Variants in MIS18A observed in about 807,000 individuals in gnomAD.
The protein encoded by MIS18A is protein Mis18-alpha.
Under a neutral mutation model 25.0 loss-of-function variants are expected in MIS18A, and 14 were observed. The observed-to-expected ratio is 0.56, with a 90% CI of 0.37 to 0.88. MIS18A has a LOEUF of 0.88. Ranked by LOEUF, MIS18A falls within the 40% of genes least tolerant of loss-of-function variation. MIS18A has a pLI of 0.00. For missense variants in MIS18A, 292 were observed against 290.8 expected (o/e 1.00, Z -0.03); for synonymous variants, 134 against 118.6 (o/e 1.13, Z -0.84).
At chr21:32,260,875 G>A in the MIS18A span, 9 of 152,208 alleles carry the variant, frequency 5.9e-5, no homozygotes, top group Non-Finnish European at 1.3e-4. Flanking sequence ...AGCCGGGCGT[G>A]GTGGCATATG....
At chr21:32,255,382 C>T in the MIS18A span, among the ~76,000 whole-genome samples, 8 of 151,934 alleles carry the variant, frequency 5.3e-5, no homozygotes, top group Non-Finnish European at 8.8e-5. Flanking sequence ...AGGTGTGTGC[C>T]ACAATGCCCG....
chr21:32,230,999 C>T, the MIS18A span, among the ~76,000 whole-genome samples: 1 of 152,032 alleles, frequency 6.6e-6, no homozygotes, highest in Non-Finnish European at 1.5e-5. Context: ...CTTTGGGAGG[C>T]TGAGGTGGGC....
At chr21:32,183,849 G>A in the MIS18A span, among the ~76,000 whole-genome samples, 363 of 152,308 alleles carry the variant, frequency 2.4e-3, 4 homozygotes, top group African/African-American at 8.2e-3. Flanking sequence ...TAAGGTTACT[G>A]GAGAAAGTGC....
At chr21:32,177,083 G>A in the MIS18A span, among the ~76,000 whole-genome samples, 1 of 152,130 alleles carries the variant, frequency 6.6e-6, no homozygotes, top group African/African-American at 2.4e-5. Flanking sequence ...GTCAGATCCA[G>A]TGATAAATAA....
the MIS18A span, among the ~76,000 whole-genome samples, chr21:32,236,243 C>T: frequency 4.6e-5 from 7 of 151,732 alleles, no homozygotes; most frequent in East Asian, 5.8e-4. Context: ...ATTAGCCAGG[C>T]GTGGTGGCGA....
the MIS18A span, among the ~76,000 whole-genome samples, chr21:32,250,182 T>C: frequency 0.025 from 3,770 of 152,204 alleles, 81 homozygotes; most frequent in Non-Finnish European, 0.04. Flanking sequence ...TGCCCCTTTT[T>C]TTTTCCAAAT....
the MIS18A span, among the ~76,000 whole-genome samples, chr21:32,247,632 G>A: frequency 1.3e-5 from 2 of 152,190 alleles, no homozygotes; most frequent in African/African-American, 4.8e-5. Flanking sequence ...GGCCGTTAGG[G>A]TAGGCCTTAA....
chr21:32,274,702 G>A (rs914567188), intron 2 of MIS18A, 128 bp downstream of exon 2: 27 of 720,404 alleles, frequency 3.7e-5, no homozygotes, highest in East Asian at 1.9e-4. Flanking sequence ...TGATATATGC[G>A]AACGACTGAT....
chr21:32,258,202 C>T, the MIS18A span, among the ~76,000 whole-genome samples: 1 of 152,098 alleles, frequency 6.6e-6, no homozygotes, highest in Non-Finnish European at 1.5e-5. Context: ...GTCATGAAAA[C>T]AGAAAACGAC....
chr21:32,255,958 C>T, the MIS18A span, among the ~76,000 whole-genome samples: 79,470 of 151,872 alleles, frequency 0.52, 23,297 homozygotes, highest in African/African-American at 0.8. Context: ...AAAAGTTCAG[C>T]CATTTCCATC....
chr21:32,221,708 T>A, the MIS18A span, among the ~76,000 whole-genome samples: 1 of 138,336 alleles, frequency 7.2e-6, no homozygotes, highest in African/African-American at 2.8e-5. Flanking sequence ...CAAAACCCTA[T>A]CTCTACGAAT....
At chr21:32,173,041 G>A in the MIS18A span, among the ~76,000 whole-genome samples, 1 of 151,728 alleles carries the variant, frequency 6.6e-6, no homozygotes, top group Non-Finnish European at 1.5e-5. Context: ...AAATCTTTGT[G>A]ACTTTAGGTC....
At chr21:32,266,184 T>C (rs2031596113), downstream of MIS18A, among the ~76,000 whole-genome samples, 1 of 151,364 alleles carries the variant, frequency 6.6e-6, no homozygotes, top group Admixed American at 6.6e-5. Flanking sequence ...ATCAACACTC[T>C]ATCTAGCTGC....
chr21:32,232,898 T>A, the MIS18A span, among the ~76,000 whole-genome samples: 1 of 152,098 alleles, frequency 6.6e-6, no homozygotes, highest in Non-Finnish European at 1.5e-5. Context: ...GAGAGTAGAT[T>A]TTAGGTGCTC....
At chr21:32,231,680 G>A in the MIS18A span, among the ~76,000 whole-genome samples, 8 of 152,254 alleles carry the variant, frequency 5.3e-5, no homozygotes, top group African/African-American at 1.4e-4. Flanking sequence ...TTGGGAGGCC[G>A]AGGCAGGCAG....
the MIS18A span, among the ~76,000 whole-genome samples, chr21:32,194,355 G>GA: frequency 6.6e-6 from 1 of 150,394 alleles, no homozygotes; most frequent in Non-Finnish European, 1.5e-5. Context: ...TATATATATA[G>GA]TAGATAGATA....
the MIS18A span, among the ~76,000 whole-genome samples, chr21:32,161,913 A>G: frequency 6.6e-6 from 1 of 151,970 alleles, no homozygotes; most frequent in Non-Finnish European, 1.5e-5. Context: ...CTAGGATAGA[A>G]CCCAGGACTC....
At chr21:32,155,910 A>G in the MIS18A span, among the ~76,000 whole-genome samples, 4 of 151,814 alleles carry the variant, frequency 2.6e-5, no homozygotes, top group African/African-American at 9.7e-5. Context: ...AGGCTATACT[A>G]GTTTCAGTCT....
the MIS18A span, among the ~76,000 whole-genome samples, chr21:32,206,988 C>A: frequency 6.6e-6 from 1 of 152,238 alleles, no homozygotes; most frequent in East Asian, 1.9e-4. Flanking sequence ...CAGAAGATTC[C>A]TTCCCCTGCA....
Sources: gnomAD v4.1 joint callset for allele counts (sites outside exome capture counted in the v4.1 genomes callset) on GRCh38, gnomAD v4.1.1 for gene constraint, MANE v1.5 for transcripts, NCBI Gene and HGNC (gene_info 2026-07-23, HGNC 2026-07-21) for gene names.